The following KSR1 variants were observed in gnomAD, a reference collection of about 807,000 sequenced individuals.
KSR1 encodes the protein kinase suppressor of ras 1.
KSR1 carries 35 observed loss-of-function variants against 92.9 expected under a neutral mutation model. That is an observed-to-expected ratio of 0.38 (90% CI 0.29 to 0.50). The LOEUF is 0.50. KSR1 is among the 20% of genes least tolerant of loss of function. The probability of loss-of-function intolerance (pLI) is 0.94; values close to 1 mark genes in which losing one functional copy is unlikely to be tolerated. For synonymous variants in KSR1, 467 were observed against 472.6 expected, an observed-to-expected ratio of 0.99 and a Z score of 0.15; for missense variants, 972 against 1,158.5, an observed-to-expected ratio of 0.84 and a Z score of 2.34.
At chr17:27,534,765 T>C (rs2070696656) in intron 1 of KSR1, among the ~76,000 whole-genome samples, 1 of 152,210 alleles carries the variant, frequency 6.6e-6, no homozygotes. Context: ...GCGTTGTCTT[T>C]AGCCATTGCT....
Position 27,592,567 on chromosome 17 carries a change from C to G in KSR1, c.1240C>G (p.Pro414Ala). The G allele has an allele frequency of 6.2e-7, 1 of 1,613,998 alleles. No homozygotes were observed. The highest frequency in any genetic ancestry group is 8.5e-7 in the Non-Finnish European group (1 of 1,179,900). ...ATCTGTCCCCTCGGACATCAACAAC[C>G]CGGTGGACAGAGCAGCCGAACCCCA... ...TESVPSDINN[P>A]VDRAAEPHFG... is the part of the protein sequence containing the mutation. Residue 414 changes from proline (P) to alanine (A), a missense_variant, in exon 9 of 21, where the codon CCG becomes GCG. Transcript: ENST00000644974.
chr17:27,557,856 C>T (rs997888619), intron 2 of KSR1, among the ~76,000 whole-genome samples: 52 of 152,234 alleles, frequency 3.4e-4, no homozygotes, highest in Middle Eastern at 3.4e-3. Context: ...ATGCTCTCTT[C>T]GAGGTATTTC....
chr17:27,566,451 C>T (rs1226400408), intron 2 of KSR1: 1 of 399,062 alleles, frequency 2.5e-6, no homozygotes, highest in African/African-American at 2.1e-5. Context: ...CTCAGGCCCC[C>T]TTGTCATGAA....
chr17:27,598,929 T>C (rs545627193), intron 10 of KSR1, among the ~76,000 whole-genome samples: 5 of 152,104 alleles, frequency 3.3e-5, no homozygotes, highest in African/African-American at 1.2e-4. Context: ...TATCGTCCCC[T>C]GCTCTGTGCT....
chr17:27,571,923 C>T (rs114864906), intron 2 of KSR1, among the ~76,000 whole-genome samples: 51 of 152,324 alleles, frequency 3.3e-4, no homozygotes, highest in African/African-American at 1.0e-3. Context: ...CAGGCAGCCC[C>T]GTGGCTGCTA....
At chr17:27,456,906 G>A (rs758773752) in intron 1 of KSR1, 32 bp downstream of exon 1, 43 of 789,354 alleles carry the variant, frequency 5.4e-5, no homozygotes, top group Non-Finnish European at 9.0e-5. Context: ...CTGGGCTCGA[G>A]GAGCGGGCCC....
chr17:27,621,976 A>C (rs1317763696), intron 20 of KSR1: 2 of 1,605,052 alleles, frequency 1.2e-6, no homozygotes, highest in Admixed American at 1.7e-5. Flanking sequence ...TCTTCCTCCT[A>C]ATCAACAACT....
intron 1 of KSR1, among the ~76,000 whole-genome samples, chr17:27,535,973 A>G (rs535293827): frequency 2.0e-5 from 3 of 152,344 alleles, no homozygotes; most frequent in Middle Eastern, 3.4e-3. Context: ...GGGTCTGGCC[A>G]TGATGGCAGA....
At chr17:27,605,355 C>G in intron 13 of KSR1, 79 bp from the exon 14 acceptor site, 1 of 1,511,582 alleles carries the variant, frequency 6.6e-7, no homozygotes, top group Non-Finnish European at 8.8e-7. Context: ...TGTTACCTGG[C>G]TAGGGCTCCA....
At chr17:27,469,743 T>C (rs8076714) in intron 1 of KSR1, among the ~76,000 whole-genome samples, 69,587 of 152,004 alleles carry the variant, frequency 0.46, 17,976 homozygotes, top group African/African-American at 0.71. Flanking sequence ...CACTTTTCCA[T>C]GTTTCCCTAT....
chr17:27,547,706 A>C (rs1005859073), intron 1 of KSR1, among the ~76,000 whole-genome samples: 2 of 151,952 alleles, frequency 1.3e-5, no homozygotes, highest in Non-Finnish European at 2.9e-5. Context: ...CTGTATCTCA[A>C]TATATTTTTC....
At position 27,594,640 on chromosome 17, in the gene KSR1, T is replaced by C. The variant is rs556964552; in HGVS notation, c.1299+2014T>C. 2.6e-5 allele frequency among the ~76,000 whole-genome samples: 4 copies of C among 152,320 alleles called. No individual in the cohort carries two copies. The South Asian group carries it at 6.2e-4, about 24-fold the overall frequency. On this transcript the variant is annotated intron_variant, in intron 9 of 20. Transcript: ENST00000644974. ...AGGATCCCACTGAAGGTTGCTATGA[T>C]AACATAAGCTAACCATTACTGAGTT... is the stretch of plus-strand genomic sequence containing the variant.
At chr17:27,531,271 A>T (rs1482114726) in intron 1 of KSR1, among the ~76,000 whole-genome samples, 2 of 152,240 alleles carry the variant, frequency 1.3e-5, no homozygotes, top group East Asian at 3.8e-4. Flanking sequence ...CTGTGCACAA[A>T]GGTGCAGAGT....
At chr17:27,523,467 T>C (rs1011295725) in intron 1 of KSR1, among the ~76,000 whole-genome samples, 3 of 152,170 alleles carry the variant, frequency 2.0e-5, no homozygotes. Flanking sequence ...GCCATCAAGT[T>C]GCTCGCAGTC....
chr17:27,596,800 A>T (rs1356594428), intron 9 of KSR1, among the ~76,000 whole-genome samples: 2 of 152,246 alleles, frequency 1.3e-5, no homozygotes, highest in Non-Finnish European at 2.9e-5. Flanking sequence ...CAGAGCCTGA[A>T]CTTAATTCAT....
intron 1 of KSR1, among the ~76,000 whole-genome samples, chr17:27,522,850 C>T (rs1567789489): frequency 6.6e-6 from 1 of 152,210 alleles, no homozygotes; most frequent in Non-Finnish European, 1.5e-5. Flanking sequence ...GGTCTGTCCT[C>T]AGGCAGCAGC....
chr17:27,521,589 G>A (rs755153319), intron 1 of KSR1, among the ~76,000 whole-genome samples: 2 of 152,092 alleles, frequency 1.3e-5, no homozygotes, highest in Non-Finnish European at 2.9e-5. Context: ...GAGCCACCAC[G>A]CCTGGCTAGT....
intron 1 of KSR1, among the ~76,000 whole-genome samples, chr17:27,539,861 G>T (rs1416118537): frequency 6.6e-6 from 1 of 152,244 alleles, no homozygotes; most frequent in African/African-American, 2.4e-5. Context: ...CTGAAGAGCA[G>T]TGTTTTGACT....
At chr17:27,481,528 G>A (rs772693191) in intron 1 of KSR1, among the ~76,000 whole-genome samples, 2 of 152,200 alleles carry the variant, frequency 1.3e-5, no homozygotes, top group African/African-American at 2.4e-5. Context: ...CTTCAATCAC[G>A]AGTCAGCCTC....
Sources: gnomAD v4.1 joint callset for allele counts (sites outside exome capture counted in the v4.1 genomes callset) on GRCh38, gnomAD v4.1.1 for gene constraint, MANE v1.5 for transcripts, NCBI Gene and HGNC (gene_info 2026-07-23, HGNC 2026-07-21) for gene names.